Variants in AZGP1 observed in about 807,000 individuals in gnomAD.
The protein encoded by AZGP1 is alpha-2-glycoprotein 1, zinc-binding, also known as zinc-alpha-2-glycoprotein.
AZGP1 carries 28 observed loss-of-function variants against 31.5 expected under a neutral mutation model. The ratio of observed to expected loss-of-function variants is 0.89; its 90% CI spans 0.66 to 1.22. The LOEUF (loss-of-function observed/expected upper bound fraction) is 1.22. Ranked by LOEUF, AZGP1 falls within the 50% of genes most tolerant of loss-of-function variation. AZGP1 has a pLI of 0.00. For missense variants in AZGP1, 361 were observed against 371.8 expected, an observed-to-expected ratio of 0.97 and a Z score of 0.24; for synonymous variants, 135 against 145.4, an observed-to-expected ratio of 0.93 and a Z score of 0.51.
At chr7:99,971,723 C>T (rs186380553) in intron 2 of AZGP1, 23 bp downstream of exon 2, 1 of 1,608,374 alleles carries the variant, frequency 6.2e-7, no homozygotes, top group Non-Finnish European at 8.5e-7. Flanking sequence ...ACCTTCCACC[C>T]CTGTGGTCTG....
In AZGP1 at chr7:99,968,234, G is replaced by A. The variant is rs1789520633; in HGVS notation, c.534C>T (p.Ala178=). The change falls in exon 3 of 4, where the codon GCC becomes GCT. Residue 178 remains alanine, a synonymous_variant. Coordinates refer to ENST00000292401, the MANE Select transcript of AZGP1 (RefSeq NM_001185.4). ...GGCACTCCTCCTCCAGGTAAGCCTT[G>A]GCCCGCTGCACGTAGACTGGTTCTG... ...WEAEPVYVQR[A]KAYLEEECPA... is the part of the protein sequence containing the mutation. 6.2e-7 allele frequency: 1 copy of A among 1,613,802 alleles called. No homozygotes were observed. The highest frequency in any genetic ancestry group is 8.5e-7 in the Non-Finnish European group (1 of 1,179,978).
chr7:99,971,885 C>A lies in AZGP1; in HGVS notation c.198G>T (p.Arg66Ser), dbSNP rs375502448. The change falls in exon 2 of 4, where the codon AGG (arginine) becomes AGT (serine). Residue 66 changes from arginine (R) to serine (S), a missense_variant. Arg to Ser is a moderately radical substitution (Grantham distance 110). Coordinates refer to ENST00000292401, the MANE Select transcript of AZGP1 (RefSeq NM_001185.4). ...LQFFRYNSKDRKSQPMGLWRQ... is the reference protein window; with the variant it reads ...LQFFRYNSKDSKSQPMGLWRQ... Reference sequence around the variant, plus strand: ...TCCAGAGTCCCATGGGCTGAGACTTCCTGTCTTTACTGTTGTATCTAAAGA... The same window carrying A: ...TCCAGAGTCCCATGGGCTGAGACTTACTGTCTTTACTGTTGTATCTAAAGA... 11 of 1,614,062 alleles carry A rather than the reference C, an allele frequency of 6.8e-6. No individual in the cohort carries two copies. The African/African-American group carries it at 1.5e-4, about 22-fold the overall frequency.
intron 3 of AZGP1, 193 bp from the exon 4 acceptor site, chr7:99,967,479 C>T: frequency 3.2e-6 from 2 of 633,876 alleles, no homozygotes; most frequent in South Asian, 2.0e-5. Context: ...ATCCCCACCT[C>T]ACCCATGTAT....
At chr7:99,967,843 T>A (rs1296778679) in intron 3 of AZGP1, 1 of 561,004 alleles carries the variant, frequency 1.8e-6, no homozygotes, top group Non-Finnish European at 3.1e-6. Flanking sequence ...GTCCCAGCTC[T>A]GCCTCTTACA....
chr7:99,973,539 G>A (rs1323281147), intron 1 of AZGP1, among the ~76,000 whole-genome samples: 2 of 152,206 alleles, frequency 1.3e-5, no homozygotes, highest in Admixed American at 6.5e-5. Context: ...GGGTTGGGGG[G>A]AAATTGGGAG....
At chr7:99,969,369 A>G (rs1789544530) in intron 2 of AZGP1, among the ~76,000 whole-genome samples, 1 of 149,744 alleles carries the variant, frequency 6.7e-6, no homozygotes, top group South Asian at 2.1e-4. Context: ...AGATGGAGCC[A>G]TTGTACATCA....
intron 2 of AZGP1, among the ~76,000 whole-genome samples, chr7:99,970,987 G>A (rs1004502791): frequency 2.0e-5 from 3 of 152,184 alleles, no homozygotes; most frequent in African/African-American, 4.8e-5. Flanking sequence ...TGACCATAGC[G>A]CAGGTGGCCC....
chr7:99,969,005 G>A (rs1307679920), intron 2 of AZGP1, among the ~76,000 whole-genome samples: 1 of 140,782 alleles, frequency 7.1e-6, no homozygotes, highest in Non-Finnish European at 1.5e-5. Context: ...CAGGCCCAGT[G>A]GCTCACACTT....
intron 3 of AZGP1, 32 bp downstream of exon 3, chr7:99,968,123 C>T (rs1179941469): frequency 6.2e-7 from 1 of 1,612,562 alleles, no homozygotes; most frequent in East Asian, 2.2e-5. Flanking sequence ...TTATTCTGGG[C>T]TCAGTACTGG....
rs754245509 is a variant in AZGP1 at position 99,968,159 on chromosome 7, C to T, written c.609G>A (p.Arg203=). 6.8e-6 allele frequency: 11 copies of T among 1,613,684 alleles called. No individual in the cohort carries two copies. The Admixed American group carries it at 1.3e-4, about 20-fold the overall frequency. ...YLKYSKNILD[R]QDPPSVVVTS... is the part of the protein sequence containing the mutation. ...GGAGCAGGAAGCAGTGAGTACCTTG[C>T]CGGTCCAGGATATTTTTGCTGTATT... Residue 203 remains arginine, a synonymous_variant, in exon 3 of 4, where the codon CGG becomes CGA. Transcript: ENST00000292401.
At chr7:99,968,569 C>A in intron 2 of AZGP1, 139 bp from the exon 3 acceptor site, 1 of 1,070,786 alleles carries the variant, frequency 9.3e-7, no homozygotes, top group Non-Finnish European at 1.4e-6. Flanking sequence ...TTTATCAAGA[C>A]AAATAGGTTA....
At chr7:99,969,055 C>T (rs527751011) in intron 2 of AZGP1, among the ~76,000 whole-genome samples, 137 of 146,822 alleles carry the variant, frequency 9.3e-4, no homozygotes, top group Non-Finnish European at 1.4e-3. Flanking sequence ...GGATGGATCA[C>T]CTTAGGTCAT....
chr7:99,967,827 A>G, intron 3 of AZGP1: 1 of 548,496 alleles, frequency 1.8e-6, no homozygotes, highest in Admixed American at 3.6e-5. Context: ...GAAATCTGGA[A>G]TTTGAGTCCC....
Position 99,971,331 on chromosome 7 carries a change from G to A in AZGP1, c.337+415C>T, listed in dbSNP as rs912110309. On this transcript the variant is annotated intron_variant, in intron 2 of 3. Transcript: ENST00000292401. ...TTTTGGGAACGTTTCACTGTCAACA[G>A]CTAGGACTGGCAGAACCACCAGGTG... Among the ~76,000 whole-genome samples, 3 of 152,236 alleles carry A rather than the reference G, an allele frequency of 2.0e-5. No individual in the cohort carries two copies. The East Asian group carries it at 5.8e-4, about 29-fold the overall frequency.
intron 2 of AZGP1, among the ~76,000 whole-genome samples, chr7:99,970,842 C>G (rs1789565147): frequency 6.6e-6 from 1 of 152,188 alleles, no homozygotes. Context: ...GACACCCACT[C>G]TATGATAATT....
intron 2 of AZGP1, among the ~76,000 whole-genome samples, chr7:99,970,939 A>G (rs753008526): frequency 1.5e-4 from 23 of 152,204 alleles, no homozygotes; most frequent in Admixed American, 3.3e-4. Context: ...CCGGGGGCAC[A>G]GGGACCATCT....
At position 99,966,788 on chromosome 7, in the gene AZGP1, G is replaced by C. The variant is rs1789486066; in HGVS notation, c.*215C>G. ...TCTACAGATTAGACAATGGGGTGGGGGTGGGCTCAAGGTGAGATGATTTTT... is the reference window on the plus strand; with the variant it reads ...TCTACAGATTAGACAATGGGGTGGGCGTGGGCTCAAGGTGAGATGATTTTT... On this transcript the variant is annotated 3_prime_UTR_variant, in exon 4 of 4. Transcript: ENST00000292401. 4.8e-6 allele frequency: 3 copies of C among 629,244 alleles called. No individual in the cohort carries two copies. The highest frequency in any genetic ancestry group is 8.2e-6 in the Non-Finnish European group (3 of 364,392). The allele number at this position is 629,244 out of a possible 1,614,324, so 39.0% of individuals were successfully genotyped here. A position where few individuals can be genotyped will look rare whatever the true frequency, so the allele number is the denominator to read the frequency against.
At chr7:99,971,013 C>T (rs1789568193) in intron 2 of AZGP1, among the ~76,000 whole-genome samples, 2 of 152,274 alleles carry the variant, frequency 1.3e-5, no homozygotes, top group South Asian at 4.1e-4. Flanking sequence ...GGGTCTGCAT[C>T]GTATGGTAAG....
At chr7:99,971,493 G>A in intron 2 of AZGP1, 1 of 479,514 alleles carries the variant, frequency 2.1e-6, no homozygotes, top group Non-Finnish European at 3.7e-6. Flanking sequence ...TAGGTGCCTG[G>A]ATAGGAAGTG....
Sources: gnomAD v4.1 joint callset for allele counts (sites outside exome capture counted in the v4.1 genomes callset) on GRCh38, gnomAD v4.1.1 for gene constraint, MANE v1.5 for transcripts, NCBI Gene and HGNC (gene_info 2026-07-23, HGNC 2026-07-21) for gene names.